The following PIK3AP1 variants were observed in gnomAD, a reference collection of about 807,000 sequenced individuals.
PIK3AP1 encodes the protein phosphoinositide-3-kinase adaptor protein 1.
In PIK3AP1, 21 loss-of-function variants were observed where a neutral mutation model predicts 88.1. The observed-to-expected ratio is 0.24, with a 90% confidence interval of 0.17 to 0.34. The LOEUF (loss-of-function observed/expected upper bound fraction) is 0.34. Among genes scored for constraint, PIK3AP1 ranks in the 10% least tolerant of loss-of-function variants. PIK3AP1 has a pLI of 1.00. For missense variants in PIK3AP1, 828 were observed against 1,035.7 expected (o/e 0.80, Z 2.75); for synonymous variants, 398 against 400.0 (o/e 1.00, Z 0.06).
chr10:96,719,272 C>T (rs1007661475), intron 1 of PIK3AP1, among the ~76,000 whole-genome samples: 2 of 152,158 alleles, frequency 1.3e-5, no homozygotes, highest in Non-Finnish European at 2.9e-5. Flanking sequence ...CCTTACCAGA[C>T]CCTCAGAGGA....
intron 14 of PIK3AP1, among the ~76,000 whole-genome samples, chr10:96,606,112 T>C (rs1848998587): frequency 6.6e-6 from 1 of 152,018 alleles, no homozygotes. Context: ...AAAAGGAACA[T>C]GTGATCCTGT....
chr10:96,602,261 A>C lies in PIK3AP1; in HGVS notation c.2360+19T>G, dbSNP rs747096308. On this transcript the variant is annotated intron_variant, in intron 16 of 16. Transcript: ENST00000339364. ...GATTCAGAGATAAGGGAAAAATTTC[A>C]TATCAGTTTTGATGTTACCTCTGTG... The C allele has an allele frequency of 3.2e-6, 5 of 1,563,552 alleles. No individual in the cohort carries two copies. Among genetic ancestry groups the C allele is most frequent in the Non-Finnish European group, 3.5e-6 (4 of 1,141,064 alleles).
chr10:96,682,423 A>C (rs1413157141), intron 2 of PIK3AP1, among the ~76,000 whole-genome samples: 1 of 152,194 alleles, frequency 6.6e-6, no homozygotes, highest in Non-Finnish European at 1.5e-5. Flanking sequence ...GCCTACTTCA[A>C]ACCAATGACA....
At chr10:96,710,379 G>A (rs1053332877) in intron 1 of PIK3AP1, among the ~76,000 whole-genome samples, 4 of 151,884 alleles carry the variant, frequency 2.6e-5, no homozygotes, top group Non-Finnish European at 4.4e-5. Context: ...CTGCCATCAC[G>A]CCAAGCTAAT....
chr10:96,608,548 T>C (rs967282439), intron 14 of PIK3AP1, among the ~76,000 whole-genome samples: 2 of 152,236 alleles, frequency 1.3e-5, no homozygotes, highest in East Asian at 1.9e-4. Context: ...TCACTGGCTA[T>C]GTAACCTTGG....
chr10:96,628,881 T>TACATATAC lies in PIK3AP1; in HGVS notation c.1376-389_1376-388insGTATATGT, dbSNP rs150595125. On this transcript the variant is annotated intron_variant, in intron 8 of 16. Transcript: ENST00000339364. ...ACACACACACATATATACACATATA[T>TACATATAC]ATATATACATATATATATATATATA... Among the ~76,000 whole-genome samples the TACATATAC allele has an allele frequency of 5.5e-3, 490 of 88,674 alleles. 76 individuals carry two copies. The highest frequency in any genetic ancestry group is 7.6e-3 in the Non-Finnish European group (343 of 45,110). 58.2% of individuals were successfully genotyped at this position (88,674 alleles called of 152,430 possible).
At chr10:96,688,803 A>G (rs1350665536) in intron 2 of PIK3AP1, among the ~76,000 whole-genome samples, 3 of 151,830 alleles carry the variant, frequency 2.0e-5, no homozygotes, top group Admixed American at 6.6e-5. Context: ...TGTCTCAAAA[A>G]AAAGAAAGAA....
chr10:96,674,832 G>C (rs1025408084), intron 2 of PIK3AP1, among the ~76,000 whole-genome samples: 2 of 152,238 alleles, frequency 1.3e-5, no homozygotes, highest in Non-Finnish European at 2.9e-5. Context: ...ATGGTACACT[G>C]TGTTAGTCCC....
At chr10:96,609,640 T>C in intron 14 of PIK3AP1, 72 bp downstream of exon 14, 1 of 1,518,232 alleles carries the variant, frequency 6.6e-7, no homozygotes, top group African/African-American at 1.4e-5. Flanking sequence ...TAAGAGGATG[T>C]TTCCTAAGGT....
chr10:96,684,978 T>A (rs1844050232), intron 2 of PIK3AP1, among the ~76,000 whole-genome samples: 2 of 152,324 alleles, frequency 1.3e-5, no homozygotes, highest in East Asian at 3.9e-4. Flanking sequence ...GTTTGCTTTT[T>A]TAAAAGATCG....
intron 2 of PIK3AP1, among the ~76,000 whole-genome samples, chr10:96,684,145 G>A (rs1171873520): frequency 6.6e-6 from 1 of 152,168 alleles, no homozygotes; most frequent in Non-Finnish European, 1.5e-5. Flanking sequence ...TAACAGTTAG[G>A]CATTGTGTAG....
Position 96,717,998 on chromosome 10 carries a change from T to A in PIK3AP1, c.13+2384A>T, listed in dbSNP as rs114430109. 5.0e-3 allele frequency among the ~76,000 whole-genome samples: 762 copies of A among 152,300 alleles called. 12 individuals carry two copies. The highest frequency in any genetic ancestry group is 0.018 in the African/African-American group (733 of 41,552). On this transcript the variant is annotated intron_variant, in intron 1 of 16. Coordinates refer to ENST00000339364, the MANE Select transcript of PIK3AP1 (RefSeq NM_152309.3). ...CATAAAAAGGAACGAAGTACTGATA[T>A]AAGCTACAGTGGGATGAACTTTGAA...
In PIK3AP1 at chr10:96,666,740, C is replaced by T. The variant is rs1843768388; in HGVS notation, c.431-9806G>A. ...CTCAATAGTCCTAATCTCATTTAAT[C>T]CTCAGAACAACCCTGTAAAATAGGA... On this transcript the variant is annotated intron_variant, in intron 2 of 16. Coordinates refer to ENST00000339364, the MANE Select transcript of PIK3AP1 (RefSeq NM_152309.3). 3.3e-5 allele frequency among the ~76,000 whole-genome samples: 5 copies of T among 151,936 alleles called. No individual in the cohort carries two copies. In the South Asian group the frequency reaches 8.3e-4, roughly 25 times the overall value.
In PIK3AP1 at chr10:96,720,255, G is replaced by T; in HGVS notation, c.13+127C>A. Reference sequence around the variant, plus strand: ...TTTGCGACAGGGAACATAGAAAAGAGCAGAAAGAGGGCAAGATCCCCGCAC... The same window carrying T: ...TTTGCGACAGGGAACATAGAAAAGATCAGAAAGAGGGCAAGATCCCCGCAC... On this transcript the variant is annotated intron_variant, in intron 1 of 16. Coordinates refer to ENST00000339364, the MANE Select transcript of PIK3AP1 (RefSeq NM_152309.3). The surrounding 1 kb of genome is among the most constrained non-coding windows in gnomAD (Gnocchi z 4.6). The T allele has an allele frequency of 1.0e-6, 1 of 957,424 alleles. No homozygotes were observed. The highest frequency in any genetic ancestry group is 1.4e-6 in the Non-Finnish European group (1 of 735,856). The allele number at this position is 957,424 out of a possible 1,614,324, so 59.3% of individuals were successfully genotyped here.
intron 8 of PIK3AP1, among the ~76,000 whole-genome samples, chr10:96,643,790 G>A (rs1233819711): frequency 2.0e-5 from 3 of 152,180 alleles, no homozygotes; most frequent in Non-Finnish European, 4.4e-5. Flanking sequence ...AGTCAGGCCC[G>A]CCTCCCTGTG....
At chr10:96,595,697 G>A in intron 16 of PIK3AP1, 63 bp from the exon 17 acceptor site, 1 of 1,539,436 alleles carries the variant, frequency 6.5e-7, no homozygotes, top group Non-Finnish European at 8.9e-7. Flanking sequence ...TCTTAGGAAT[G>A]CACAATTTGT....
intron 2 of PIK3AP1, among the ~76,000 whole-genome samples, chr10:96,701,476 G>A (rs1844297610): frequency 6.6e-6 from 1 of 152,150 alleles, no homozygotes; most frequent in African/African-American, 2.4e-5. Flanking sequence ...TGGGGTTGTG[G>A]GAGGAATAAA....
At chr10:96,659,828 C>G (rs539755026) in intron 2 of PIK3AP1, among the ~76,000 whole-genome samples, 1 of 151,880 alleles carries the variant, frequency 6.6e-6, no homozygotes, top group Non-Finnish European at 1.5e-5. Context: ...AAAAACACTC[C>G]TCAGTTTTAA....
At chr10:96,676,527 C>A (rs974995610) in intron 2 of PIK3AP1, among the ~76,000 whole-genome samples, 1 of 151,960 alleles carries the variant, frequency 6.6e-6, no homozygotes, top group Non-Finnish European at 1.5e-5. Context: ...GACCAAGAAT[C>A]CAGACATAAG....
Sources: allele counts gnomAD v4.1 joint callset (sites outside exome capture counted in the v4.1 genomes callset), GRCh38; gene constraint gnomAD v4.1.1; non-coding constraint Gnocchi (gnomAD v3.1); transcripts MANE v1.5; gene names NCBI Gene and HGNC (gene_info 2026-07-23, HGNC 2026-07-21).